AJAP1: variants seen among roughly 807,000 people sequenced by gnomAD.
AJAP1 encodes the protein adherens junction-associated protein 1.
A neutral mutation model predicts 35.0 loss-of-function variants in AJAP1; 5 were observed. The ratio of observed to expected loss-of-function variants is 0.14; its 90% CI spans 0.07 to 0.30. The LOEUF (loss-of-function observed/expected upper bound fraction) is 0.30, where lower values mean the gene tolerates loss of function less well. AJAP1 is among the 10% of genes least tolerant of loss of function. The pLI is 1.00. For missense variants in AJAP1, 586 were observed against 571.0 expected (o/e 1.03, Z -0.27); for synonymous variants, 284 against 249.3 (o/e 1.14, Z -1.31).
intron 1 of AJAP1, among the ~76,000 whole-genome samples, chr1:4,681,036 T>G (rs1011905151): frequency 5.3e-5 from 8 of 152,232 alleles, no homozygotes; most frequent in African/African-American, 9.6e-5. Flanking sequence ...GAGTGTTCTC[T>G]AGCACCCGTT....
At chr1:4,697,184 C>A (rs1406237193) in intron 1 of AJAP1, among the ~76,000 whole-genome samples, 3 of 152,176 alleles carry the variant, frequency 2.0e-5, no homozygotes, top group African/African-American at 7.2e-5. Flanking sequence ...TTGTATGTGG[C>A]TGTATGTGTG....
At chr1:4,770,009 A>G (rs1045343452) in intron 3 of AJAP1, 69 bp downstream of exon 3, 19 of 1,345,892 alleles carry the variant, frequency 1.4e-5, no homozygotes, top group Non-Finnish European at 1.6e-5. Flanking sequence ...GTGAATACAG[A>G]AAGGCCCCTA....
At chr1:4,680,444 T>TG (rs1639457315) in intron 1 of AJAP1, among the ~76,000 whole-genome samples, 1 of 152,164 alleles carries the variant, frequency 6.6e-6, no homozygotes, top group South Asian at 2.1e-4. Flanking sequence ...GACATGAACA[T>TG]GGGGGGACAC....
At chr1:4,728,759 C>G (rs1299804156) in intron 2 of AJAP1, among the ~76,000 whole-genome samples, 1 of 152,236 alleles carries the variant, frequency 6.6e-6, no homozygotes, top group African/African-American at 2.4e-5. Context: ...GGCCCCAGCT[C>G]CTCAGAGGAC....
chr1:4,757,936 G>A (rs1429294939), intron 2 of AJAP1, among the ~76,000 whole-genome samples: 5 of 98,646 alleles, frequency 5.1e-5, no homozygotes, highest in South Asian at 3.0e-4. Context: ...GGAGGGACCC[G>A]TGGGAGGCAG....
chr1:4,775,187 T>G (rs1287361845), intron 5 of AJAP1, among the ~76,000 whole-genome samples: 11 of 152,214 alleles, frequency 7.2e-5, no homozygotes, highest in Non-Finnish European at 1.5e-4. Context: ...TGATATTAAC[T>G]TTAATGCTAA....
At position 4,791,237 on chromosome 1, in the gene AJAP1, G is replaced by T. The variant is rs1642244432; in HGVS notation, c.*8752G>T. The T allele has an allele frequency of 6.6e-6, 1 of 152,146 alleles. No homozygotes were observed. The highest frequency in any genetic ancestry group is 1.5e-5 in the Non-Finnish European group (1 of 68,032). The allele number at this position is 152,146 out of a possible 1,614,324, so 9.4% of individuals were successfully genotyped here. ...CACACATTTGCAGATCAGGAACCCC[G>T]GGAATATGAGTTAGACCCAGAAAGT... On this transcript the variant is annotated 3_prime_UTR_variant, in exon 6 of 6. Transcript: ENST00000378191.
chr1:4,766,490 A>G (rs756749468), intron 2 of AJAP1, among the ~76,000 whole-genome samples: 2 of 152,080 alleles, frequency 1.3e-5, no homozygotes, highest in African/African-American at 4.8e-5. Flanking sequence ...ACCCTTATGA[A>G]TTTTCCATAT....
chr1:4,744,145 G>A (rs1641134073), intron 2 of AJAP1, among the ~76,000 whole-genome samples: 1 of 152,186 alleles, frequency 6.6e-6, no homozygotes, highest in Non-Finnish European at 1.5e-5. Flanking sequence ...GGGCAGCAAA[G>A]CCAGGCCCGA....
intron 2 of AJAP1, among the ~76,000 whole-genome samples, chr1:4,750,848 C>T (rs544530128): frequency 2.0e-5 from 3 of 147,912 alleles, no homozygotes; most frequent in Non-Finnish European, 3.0e-5. Context: ...TCCAGCAACA[C>T]GTTTATTGTC....
intron 1 of AJAP1, among the ~76,000 whole-genome samples, chr1:4,663,784 A>G (rs1570083381): frequency 1.3e-5 from 2 of 152,252 alleles, no homozygotes; most frequent in East Asian, 3.9e-4. Flanking sequence ...AGCTCTGTGT[A>G]GAGAAGGATT....
intron 3 of AJAP1, 38 bp downstream of exon 3, chr1:4,769,978 G>T (rs982374682): frequency 5.8e-6 from 9 of 1,543,508 alleles, no homozygotes; most frequent in South Asian, 3.3e-5. Flanking sequence ...AGAAATGGGG[G>T]ACTACCGGGG....
At chr1:4,667,606 T>C (rs1639158789) in intron 1 of AJAP1, among the ~76,000 whole-genome samples, 1 of 152,230 alleles carries the variant, frequency 6.6e-6, no homozygotes, top group Non-Finnish European at 1.5e-5. Context: ...CTAATTCCAC[T>C]GCTGATCTGA....
At chr1:4,739,779 G>C (rs1245520054) in intron 2 of AJAP1, among the ~76,000 whole-genome samples, 1 of 152,176 alleles carries the variant, frequency 6.6e-6, no homozygotes, top group African/African-American at 2.4e-5. Flanking sequence ...CACACAGCAT[G>C]GTTGTGGCGG....
rs368341697 is a variant in AJAP1 at position 4,774,785 on chromosome 1, C to T, written c.*59+227C>T. Among the ~76,000 whole-genome samples the T allele has an allele frequency of 4.8e-4, 73 of 152,192 alleles. No homozygotes were observed. The East Asian group carries it at 6.6e-3, about 14-fold the overall frequency. On this transcript the variant is annotated intron_variant, in intron 5 of 5. Coordinates refer to ENST00000378191, the MANE Select transcript of AJAP1 (RefSeq NM_018836.4). ...CGTCCCAGGGGAGGATAGTAACAGA[C>T]ATTCATGCACCCTGATTCCACGTCC... is the stretch of plus-strand genomic sequence containing the variant.
chr1:4,787,377 A>G lies in AJAP1; in HGVS notation c.*4892A>G. On this transcript the variant is annotated 3_prime_UTR_variant, in exon 6 of 6. Coordinates refer to ENST00000378191, the MANE Select transcript of AJAP1 (RefSeq NM_018836.4). ...TGGGGGGCATTGAAGGGGAAGAAAG[A>G]GAGGCAGGGGTTGTCTACGTCTCCT... is the stretch of plus-strand genomic sequence containing the variant. 4.0e-6 allele frequency: 1 copy of G among 252,208 alleles called. No homozygotes were observed. Among genetic ancestry groups the G allele is most frequent in the Non-Finnish European group, 7.9e-6 (1 of 125,806 alleles). The allele number at this position is 252,208 out of a possible 1,614,324, so 15.6% of individuals were successfully genotyped here.
At chr1:4,698,046 C>G (rs1409273992) in intron 1 of AJAP1, among the ~76,000 whole-genome samples, 1 of 152,250 alleles carries the variant, frequency 6.6e-6, no homozygotes. Flanking sequence ...GGCAGCAGAG[C>G]CTCGCTTCTT....
chr1:4,701,547 T>A (rs1639989914), intron 1 of AJAP1, among the ~76,000 whole-genome samples: 1 of 152,196 alleles, frequency 6.6e-6, no homozygotes, highest in Non-Finnish European at 1.5e-5. Context: ...CCATCAGGTT[T>A]CCCAGCCTCG....
At chr1:4,716,261 C>T (rs1195241978) in intron 2 of AJAP1, among the ~76,000 whole-genome samples, 2 of 152,204 alleles carry the variant, frequency 1.3e-5, no homozygotes, top group Non-Finnish European at 2.9e-5. Flanking sequence ...TTTTGAGTTT[C>T]AGGGTAATGG....
Sources: allele counts gnomAD v4.1 joint callset (sites outside exome capture counted in the v4.1 genomes callset), GRCh38; gene constraint gnomAD v4.1.1; transcripts MANE v1.5; gene names NCBI Gene and HGNC (gene_info 2026-07-23, HGNC 2026-07-21).